WDR74: variants seen among roughly 807,000 people sequenced by gnomAD.
WDR74 encodes WD repeat domain 74.
WDR74 carries 31 observed loss-of-function variants against 45.6 expected under a neutral mutation model. That is an observed-to-expected ratio of 0.68 (90% confidence interval 0.51 to 0.92). WDR74 has a LOEUF of 0.92. Ranked by LOEUF, WDR74 falls within the 40% of genes least tolerant of loss-of-function variation. The pLI is 0.00. For synonymous variants in WDR74, 191 were observed against 192.4 expected (o/e 0.99, Z 0.06); for missense variants, 455 against 497.2 (o/e 0.92, Z 0.81).
At position 62,839,241 on chromosome 11, in the gene WDR74, G is replaced by A. The variant is rs1213228438; in HGVS notation, c.172-6C>T. The A allele has an allele frequency of 1.9e-6, 3 of 1,613,344 alleles. No individual in the cohort carries two copies. Among genetic ancestry groups the A allele is most frequent in the Non-Finnish European group, 2.5e-6 (3 of 1,179,872 alleles). Reference sequence around the variant, plus strand: ...TCCGCGCAGCCCACCAGCATCTGCGGCAAAGAAGGGCAAGATGGCGAGGAG... The same window carrying A: ...TCCGCGCAGCCCACCAGCATCTGCGACAAAGAAGGGCAAGATGGCGAGGAG... On this transcript the variant is annotated splice_region_variant and splice_polypyrimidine_tract_variant and intron_variant, in intron 2 of 10. Transcript: ENST00000278856.
chr11:62,840,200 CGA>C (rs951785792), upstream of WDR74: 40 of 152,444 alleles, frequency 2.6e-4, no homozygotes, highest in African/African-American at 9.4e-4. Context: ...AGGCGGACAG[CGA>C]GGCGCGGTGG....
upstream of WDR74, chr11:62,841,711 T>A (rs562015901): frequency 6.6e-6 from 1 of 152,170 alleles, no homozygotes. Flanking sequence ...TTTCCAAAAA[T>A]CCATTTAATA....
chr11:62,841,789 G>C (rs918433230), upstream of WDR74: 1 of 152,212 alleles, frequency 6.6e-6, no homozygotes, highest in Non-Finnish European at 1.5e-5. Context: ...CTTGATCTTA[G>C]CCAAAAGGCC....
chr11:62,833,698 G>A, intron 9 of WDR74, 24 bp from the exon 10 acceptor site: 1 of 1,569,778 alleles, frequency 6.4e-7, no homozygotes, highest in Non-Finnish European at 8.6e-7. Flanking sequence ...GGGACCTTAA[G>A]GAGCCAGGCA....
chr11:62,832,957 G>A lies in WDR74; in HGVS notation c.1153C>T (p.Pro385Ser). The change falls in exon 11 of 11, where the codon CCC (proline) becomes TCC (serine). Residue 385 changes from proline (P) to serine (S), a missense_variant. Pro to Ser is a moderately conservative substitution (Grantham distance 74, BLOSUM62 -1). Coordinates refer to ENST00000278856, the MANE Select transcript of WDR74 (RefSeq NM_001369450.1). Reference protein sequence around the residue: ...RKKKRPGSTSP With the variant: ...RKKKRPGSTSS ...ACAAAGTGGGCACAGGGGCGTCAGG[G>A]GCTGGTGGACCCAGGCCGCTTCTTC... 1.9e-6 allele frequency: 3 copies of A among 1,602,020 alleles called. No homozygotes were observed. The highest frequency in any genetic ancestry group is 1.1e-5 in the South Asian group (1 of 90,060).
In WDR74 at chr11:62,835,695, G is replaced by T. The variant is rs186575796; in HGVS notation, c.516C>A (p.Asn172Lys). Residue 172 changes from asparagine to lysine, a missense_variant and splice_region_variant, in exon 5 of 11, where the codon AAC becomes AAA. Asn to Lys is a moderately conservative substitution (Grantham distance 94). Coordinates refer to ENST00000278856, the MANE Select transcript of WDR74 (RefSeq NM_001369450.1). ...GCTCCTTCACACTCTTGTCACTCAC[G>T]TTCTTGGCCCTGAACACAGGTTCCT... ...GSEEPVFRAK[N>K]VRNDWLDLRV... is the part of the protein sequence containing the mutation. The T allele has an allele frequency of 6.2e-7, 1 of 1,613,848 alleles. No individual in the cohort carries two copies. Among genetic ancestry groups the T allele is most frequent in the Non-Finnish European group, 8.5e-7 (1 of 1,179,864 alleles).
chr11:62,838,992 G>A, intron 3 of WDR74, 122 bp downstream of exon 3: 1 of 1,401,078 alleles, frequency 7.1e-7, no homozygotes, highest in Non-Finnish European at 9.7e-7. Flanking sequence ...AGAAACCCAG[G>A]TCCCTGTCAC....
chr11:62,841,617 AGG>A (rs1218658031), upstream of WDR74: 1 of 152,222 alleles, frequency 6.6e-6, no homozygotes, highest in African/African-American at 2.4e-5. Flanking sequence ...CTCTCCCCGA[AGG>A]GAGAGTGCAC....
At chr11:62,839,971 G>C (rs1276639607), upstream of WDR74, 1 of 170,332 alleles carries the variant, frequency 5.9e-6, no homozygotes, top group African/African-American at 2.4e-5. Context: ...TGGAATATAA[G>C]TCACGAAAGA....
In WDR74 at chr11:62,835,606, CCCT is replaced by C. The variant is rs751345353; in HGVS notation, c.517-77_517-75del. The C allele has an allele frequency of 2.5e-6, 4 of 1,613,368 alleles. No homozygotes were observed. In the South Asian group the frequency reaches 3.3e-5, roughly 13 times the overall value. ...CCCCTGTTTTCAGCCCTCCTTCGCC[CCCT>C]AAGTCCATCTAGTCTCTAATGCATC... On this transcript the variant is annotated intron_variant, in intron 5 of 10. Transcript: ENST00000278856.
chr11:62,833,099 C>T lies in WDR74; in HGVS notation c.1011G>A (p.Lys337=). Residue 337 remains lysine, a synonymous_variant, in exon 11 of 11, where the codon AAG becomes AAA. Transcript: ENST00000278856. ...DEPQEPQEPN[K]VPLEDTETDE... ...CTGTCTCTGTGTCTTCTAGGGGCAC[C>T]TTGTTGGGTTCTTGAGGCTCTTGGG... is the stretch of plus-strand genomic sequence containing the variant. 1 of 1,612,920 alleles carries T rather than the reference C, an allele frequency of 6.2e-7. No homozygotes were observed. The highest frequency in any genetic ancestry group is 8.5e-7 in the Non-Finnish European group (1 of 1,179,562).
intron 3 of WDR74, 68 bp from the exon 4 acceptor site, chr11:62,836,104 CCTT>C (rs1383439409): frequency 5.6e-6 from 8 of 1,436,610 alleles, no homozygotes; most frequent in African/African-American, 1.4e-5. Context: ...TTTCTCTCCT[CCTT>C]ACTACTACAG....
chr11:62,839,358 C>G lies in WDR74; in HGVS notation c.135G>C (p.Val45=). The part of the protein sequence containing the change: ...AGGQPRREEA[V]SALCWGTGGE... The stretch of plus-strand genomic sequence containing the variant: ...CGCCGGTGCCCCAACACAGGGCGCT[C>G]ACTGCCTCCTCGCGCCGCGGCTGTC... The change falls in exon 2 of 11, where the codon GTG becomes GTC. Residue 45 remains valine, a synonymous_variant. Transcript: ENST00000278856. 1 of 1,611,954 alleles carries G rather than the reference C, an allele frequency of 6.2e-7. No individual in the cohort carries two copies. Among genetic ancestry groups the G allele is most frequent in the Non-Finnish European group, 8.5e-7 (1 of 1,179,772 alleles).
intron 3 of WDR74, 102 bp downstream of exon 3, chr11:62,839,012 G>A: frequency 1.3e-6 from 2 of 1,527,528 alleles, no homozygotes; most frequent in South Asian, 2.4e-5. Flanking sequence ...CCCATTCAAA[G>A]CCGTGTCACT....
At chr11:62,833,515 A>G in intron 10 of WDR74, 103 bp downstream of exon 10, 1 of 1,357,894 alleles carries the variant, frequency 7.4e-7, no homozygotes. Context: ...GCAGGTAAAC[A>G]GATAGTCCCA....
At chr11:62,835,334 A>G in intron 6 of WDR74, 97 bp downstream of exon 6, 1 of 1,140,080 alleles carries the variant, frequency 8.8e-7, no homozygotes, top group Non-Finnish European at 1.3e-6. Flanking sequence ...CTCTGAACTC[A>G]GAATGGTGAG....
At chr11:62,839,872 T>C (rs866023982), upstream of WDR74, 6 of 375,884 alleles carry the variant, frequency 1.6e-5, no homozygotes, top group Middle Eastern at 1.3e-3. Flanking sequence ...TCTGGACTGT[T>C]AGACAAGAAA....
upstream of WDR74, among the ~76,000 whole-genome samples, chr11:62,841,412 GATT>G (rs2085047246): frequency 2.2e-5 from 3 of 137,676 alleles, no homozygotes; most frequent in Admixed American, 7.0e-5. Context: ...GAAGTATGAA[GATT>G]GCTGAAGACC....
chr11:62,833,625 T>C lies in WDR74; in HGVS notation c.971A>G (p.Asn324Ser), dbSNP rs1297417529. 6.4e-7 allele frequency: 1 copy of C among 1,552,190 alleles called. No individual in the cohort carries two copies. The highest frequency in any genetic ancestry group is 2.0e-5 in the Admixed American group (1 of 51,018). ...CCGGGCCCAACTGCTCACCTCCCAGTTGTCCCTGCCTGACAAGAGGAGGCA... is the reference window on the plus strand; with the variant it reads ...CCGGGCCCAACTGCTCACCTCCCAGCTGTCCCTGCCTGACAAGAGGAGGCA... Reference protein sequence around the residue: ...LNCLLLSGRDNWEDEPQEPQE... With the variant: ...LNCLLLSGRDSWEDEPQEPQE... Residue 324 changes from asparagine (N) to serine (S), a missense_variant, in exon 10 of 11, where the codon AAC becomes AGC. Coordinates refer to ENST00000278856, the MANE Select transcript of WDR74 (RefSeq NM_001369450.1).
Sources: allele counts gnomAD v4.1 joint callset (sites outside exome capture counted in the v4.1 genomes callset), GRCh38; gene constraint gnomAD v4.1.1; transcripts MANE v1.5; gene names NCBI Gene and HGNC (gene_info 2026-07-23, HGNC 2026-07-21).